SAMD3: variants seen among roughly 807,000 people sequenced by gnomAD.
SAMD3 encodes sterile alpha motif domain-containing protein 3.
Under a neutral mutation model 58.5 loss-of-function variants are expected in SAMD3, and 63 were observed. That is an observed-to-expected ratio of 1.08 (90% confidence interval 0.88 to 1.33). SAMD3 has a LOEUF of 1.33. Ranked by LOEUF, SAMD3 falls within the 40% of genes most tolerant of loss-of-function variation. SAMD3 has a pLI of 0.00. For synonymous variants in SAMD3, 220 were observed against 210.3 expected (o/e 1.05, Z -0.40); for missense variants, 604 against 608.4 (o/e 0.99, Z 0.08).
At chr6:130,282,124 C>CCACACA (rs3029993) in intron 2 of SAMD3, among the ~76,000 whole-genome samples, 6 of 151,470 alleles carry the variant, frequency 4.0e-5, no homozygotes, top group South Asian at 2.1e-4. Flanking sequence ...TTCACACAAG[C>CCACACA]CACACACACA....
chr6:130,323,128 G>A (rs1285599378), intron 1 of SAMD3, among the ~76,000 whole-genome samples: 3 of 152,164 alleles, frequency 2.0e-5, no homozygotes, highest in Non-Finnish European at 4.4e-5. Flanking sequence ...TAAATATAAT[G>A]TTTTTAAGTG....
intron 2 of SAMD3, among the ~76,000 whole-genome samples, chr6:130,285,208 A>G (rs894666366): frequency 1.3e-5 from 2 of 152,224 alleles, no homozygotes; most frequent in Non-Finnish European, 2.9e-5. Context: ...ATATATAAAC[A>G]TGGAGCTTGA....
chr6:130,282,712 A>G (rs1775022524), intron 2 of SAMD3, among the ~76,000 whole-genome samples: 1 of 152,228 alleles, frequency 6.6e-6, no homozygotes, highest in African/African-American at 2.4e-5. Context: ...AGCTGAAACA[A>G]AAGAGAATTT....
At chr6:130,214,007 C>A (rs145870012) in intron 4 of SAMD3, among the ~76,000 whole-genome samples, 9 of 152,088 alleles carry the variant, frequency 5.9e-5, no homozygotes, top group Non-Finnish European at 1.2e-4. Context: ...TTCCCAAACC[C>A]TGATTTTAAA....
At chr6:130,143,782 C>A (rs532053136), downstream of SAMD3, 1 of 152,340 alleles carries the variant, frequency 6.6e-6, no homozygotes, top group Non-Finnish European at 1.5e-5. Flanking sequence ...GGAGAGTGCA[C>A]TGAGTCTTGT....
At chr6:130,150,713 C>CTTT (rs535281930) in intron 9 of SAMD3, among the ~76,000 whole-genome samples, 1 of 136,026 alleles carries the variant, frequency 7.4e-6, no homozygotes. Flanking sequence ...GGCCAGAATT[C>CTTT]TTTTTTTTTT....
chr6:130,227,562 T>C (rs1164247646), upstream of SAMD3, among the ~76,000 whole-genome samples: 1 of 151,860 alleles, frequency 6.6e-6, no homozygotes, highest in Non-Finnish European at 1.5e-5. Context: ...CCAAGGTGGG[T>C]GGATTGCTTG....
intron 2 of SAMD3, among the ~76,000 whole-genome samples, chr6:130,296,118 G>A (rs945588663): frequency 6.6e-6 from 1 of 152,158 alleles, no homozygotes; most frequent in African/African-American, 2.4e-5. Flanking sequence ...GGACCATGTT[G>A]GTGGATGAAA....
chr6:130,187,696 C>A (rs376698966), intron 5 of SAMD3, among the ~76,000 whole-genome samples: 16 of 152,218 alleles, frequency 1.1e-4, no homozygotes, highest in East Asian at 1.9e-4. Flanking sequence ...TAAGATTATT[C>A]ATAATATTTT....
At chr6:130,348,397 T>C (rs1005881170) in intron 1 of SAMD3, among the ~76,000 whole-genome samples, 20 of 151,418 alleles carry the variant, frequency 1.3e-4, no homozygotes, top group African/African-American at 3.4e-4. Flanking sequence ...ACCAAGCAAA[T>C]GGAAAACAAA....
In SAMD3 at chr6:130,325,067, C is replaced by A. The variant is rs201173838; in HGVS notation, c.-303-11974G>T. Among the ~76,000 whole-genome samples, 4 of 141,448 alleles carry A rather than the reference C, an allele frequency of 2.8e-5. No individual in the cohort carries two copies. In the East Asian group the frequency reaches 8.2e-4, roughly 29 times the overall value. 92.8% of individuals were successfully genotyped at this position (141,448 alleles called of 152,430 possible). A position where few individuals can be genotyped will look rare whatever the true frequency, so the allele number is the denominator to read the frequency against. On this transcript the variant is annotated intron_variant, in intron 1 of 13. Coordinates refer to the SAMD3 transcript ENST00000368134. ...TTCAGCTCTGAAGAACTATATCCAT[C>A]CATTCATAAACAAGAGCTCTATCGA...
At chr6:130,301,888 T>C (rs1162381838) in intron 2 of SAMD3, among the ~76,000 whole-genome samples, 1 of 151,988 alleles carries the variant, frequency 6.6e-6, no homozygotes, top group Non-Finnish European at 1.5e-5. Flanking sequence ...GAAAACTGAG[T>C]ATCCATACAC....
At chr6:130,270,749 T>C (rs562963339) in intron 2 of SAMD3, among the ~76,000 whole-genome samples, 30 of 152,360 alleles carry the variant, frequency 2.0e-4, no homozygotes, top group African/African-American at 5.8e-4. Flanking sequence ...TCCCATTGTA[T>C]GAATAAATAA....
chr6:130,306,243 T>C (rs1275890743), intron 2 of SAMD3, among the ~76,000 whole-genome samples: 2 of 152,220 alleles, frequency 1.3e-5, no homozygotes, highest in Non-Finnish European at 2.9e-5. Context: ...AATTAATCAC[T>C]GTCTAAGCAG....
intron 8 of SAMD3, among the ~76,000 whole-genome samples, chr6:130,172,155 CTT>C (rs1302678034): frequency 1.3e-5 from 2 of 152,174 alleles, no homozygotes; most frequent in African/African-American, 4.8e-5. Flanking sequence ...GGTCTTGACT[CTT>C]TATCCAATTT....
At chr6:130,256,554 C>T (rs1052443873) in intron 2 of SAMD3, among the ~76,000 whole-genome samples, 1 of 152,120 alleles carries the variant, frequency 6.6e-6, no homozygotes, top group Non-Finnish European at 1.5e-5. Flanking sequence ...TCAGAGGTCT[C>T]TCTAATTTGT....
At chr6:130,325,699 C>T (rs1776734347) in intron 1 of SAMD3, among the ~76,000 whole-genome samples, 1 of 152,194 alleles carries the variant, frequency 6.6e-6, no homozygotes, top group Non-Finnish European at 1.5e-5. Flanking sequence ...AAGCATCACG[C>T]TGTGTATGAT....
chr6:130,338,895 T>C (rs1777181072), intron 1 of SAMD3, among the ~76,000 whole-genome samples: 1 of 152,110 alleles, frequency 6.6e-6, no homozygotes, highest in Non-Finnish European at 1.5e-5. Flanking sequence ...ACTTGGACTT[T>C]TGGGTTAATT....
chr6:130,349,726 C>T (rs1367168233), intron 1 of SAMD3, among the ~76,000 whole-genome samples: 1 of 152,100 alleles, frequency 6.6e-6, no homozygotes, highest in African/African-American at 2.4e-5. Context: ...TTTATGAGGC[C>T]AGCATCATCT....
Sources: gnomAD v4.1 joint callset for allele counts (sites outside exome capture counted in the v4.1 genomes callset) on GRCh38, gnomAD v4.1.1 for gene constraint, MANE v1.5 for transcripts, NCBI Gene and HGNC (gene_info 2026-07-23, HGNC 2026-07-21) for gene names.